HMCN2: variants seen among roughly 807,000 people sequenced by gnomAD.
HMCN2 encodes the protein hemicentin 2, also known as hemicentin-2.
HMCN2 carries 325 observed loss-of-function variants against 377.5 expected under a neutral mutation model. The ratio of observed to expected loss-of-function variants is 0.86; its 90% CI spans 0.79 to 0.94. HMCN2 has a LOEUF of 0.94. Ranked by LOEUF, HMCN2 falls within the 40% of genes least tolerant of loss-of-function variation. HMCN2 has a pLI of 0.00. For missense variants in HMCN2, 4,543 were observed against 4,725.3 expected (o/e 0.96, Z 1.13); for synonymous variants, 2,007 against 2,046.8 (o/e 0.98, Z 0.53).
At chr9:130,387,872 T>G (rs1242200268) in intron 61 of HMCN2, among the ~76,000 whole-genome samples, 1 of 151,756 alleles carries the variant, frequency 6.6e-6, no homozygotes, top group Admixed American at 6.6e-5. Flanking sequence ...AGCCCAGGAG[T>G]TTGAGATCAG....
chr9:130,309,239 C>T (rs771682008), intron 14 of HMCN2, among the ~76,000 whole-genome samples: 26 of 152,202 alleles, frequency 1.7e-4, no homozygotes, highest in South Asian at 2.1e-4. Context: ...GGGGGGCAGG[C>T]GTGGTGACTC....
chr9:130,400,924 G>A lies in HMCN2; in HGVS notation c.11747G>A (p.Ser3916Asn). ...GGCGCCCAGCTAGGAGCTCGGGGGA[G>A]TGGCTATCGTGTCTCACCATCGGGT... The part of the protein sequence containing the change: ...KAGAQLGARG[S>N]GYRVSPSGAL... Residue 3916 changes from serine (S) to asparagine (N), a missense_variant, in exon 77 of 98, where the codon AGT (serine) becomes AAT (asparagine). Ser to Asn is a conservative substitution (Grantham distance 46, BLOSUM62 1). Transcript: ENST00000683500. 1 of 1,288,724 alleles carries A rather than the reference G, an allele frequency of 7.8e-7. No individual in the cohort carries two copies. Among genetic ancestry groups the A allele is most frequent in the Non-Finnish European group, 1.0e-6 (1 of 988,384 alleles). 79.8% of individuals were successfully genotyped at this position (1,288,724 alleles called of 1,614,324 possible). A position where few individuals can be genotyped will look rare whatever the true frequency, so the allele number is the denominator to read the frequency against.
Position 130,360,404 on chromosome 9 carries a change from T to C in HMCN2, c.5774-24T>C. ...CCTTGCTTCTCTCTTCCTTTCCCCC[T>C]TGCATCTCTCTTCCTTTCCCCAGAT... On this transcript the variant is annotated intron_variant, in intron 37 of 97. Coordinates refer to ENST00000683500, the MANE Select transcript of HMCN2 (RefSeq NM_001291815.2). This position sits in a 1 kb window ranked among gnomAD's most constrained non-coding sequence, Gnocchi z 4.7. 5 of 1,257,758 alleles carry C rather than the reference T, an allele frequency of 4.0e-6. No individual in the cohort carries two copies. Among genetic ancestry groups the C allele is most frequent in the Non-Finnish European group, 5.2e-6 (5 of 962,044 alleles). 77.9% of individuals were successfully genotyped at this position (1,257,758 alleles called of 1,614,324 possible).
rs782163977 is a variant in HMCN2, at chr9:130,303,789, G to A, written c.1543+181G>A. Among the ~76,000 whole-genome samples, 10 of 152,200 alleles carry A rather than the reference G, an allele frequency of 6.6e-5. No individual in the cohort carries two copies. The highest frequency in any genetic ancestry group is 2.1e-4 in the South Asian group (1 of 4,826). ...ATGTGGGGCCGTCTCACCCAGGAAC[G>A]GCCTGTGGGTCTCCGCTGGAGGAAG... On this transcript the variant is annotated intron_variant, in intron 10 of 97. Transcript: ENST00000683500. The surrounding 1 kb of genome is among the most constrained non-coding windows in gnomAD (Gnocchi z 5.2).
intron 55 of HMCN2, 74 bp downstream of exon 55, chr9:130,382,371 A>C (rs1841775260): frequency 1.7e-6 from 1 of 597,116 alleles, no homozygotes; most frequent in African/African-American, 2.0e-5. Context: ...GAAGGGGCCG[A>C]GGCAAAGTGC....
chr9:130,296,239 C>G (rs555764919), intron 6 of HMCN2, among the ~76,000 whole-genome samples: 1 of 152,312 alleles, frequency 6.6e-6, no homozygotes, highest in South Asian at 2.1e-4. Context: ...GGGGCTCCTG[C>G]TGACCAGGCA....
chr9:130,379,282 G>C lies in HMCN2; in HGVS notation c.8246G>C (p.Ser2749Thr). 1.0e-6 allele frequency: 1 copy of C among 985,754 alleles called. No homozygotes were observed. The highest frequency in any genetic ancestry group is 1.2e-6 in the Non-Finnish European group (1 of 829,930). 61.1% of individuals were successfully genotyped at this position (985,754 alleles called of 1,614,324 possible). A position where few individuals can be genotyped will look rare whatever the true frequency, so the allele number is the denominator to read the frequency against. ...PPMFQKVGDFSAAFEILSREE... is the reference protein window; with the variant it reads ...PPMFQKVGDFTAAFEILSREE... ...ATGTTCCAGAAGGTGGGTGATTTCAGTGCAGCCTTCGAGATCCTGTCCCGG... is the reference window on the plus strand; with the variant it reads ...ATGTTCCAGAAGGTGGGTGATTTCACTGCAGCCTTCGAGATCCTGTCCCGG... The change falls in exon 54 of 98, where the codon AGT becomes ACT. Residue 2749 changes from serine (S) to threonine (T), a missense_variant. This residue lies in a region of HMCN2 where 736 missense variants were observed against 773.2 expected (regional missense o/e 0.95). Transcript: ENST00000683500.
chr9:130,310,584 A>G (rs28972384), intron 15 of HMCN2, among the ~76,000 whole-genome samples: 109 of 92,340 alleles, frequency 1.2e-3, no homozygotes, highest in East Asian at 4.1e-3. Flanking sequence ...TGTGTGTGGG[A>G]GGGGCTACCC....
chr9:130,387,341 G>A (rs1297416453), intron 61 of HMCN2, among the ~76,000 whole-genome samples: 1 of 151,442 alleles, frequency 6.6e-6, no homozygotes, highest in African/African-American at 2.4e-5. Flanking sequence ...GCCCAGAGGT[G>A]GGTGTCTAGG....
chr9:130,405,420 T>C (rs1843045852), intron 81 of HMCN2, among the ~76,000 whole-genome samples: 1 of 152,058 alleles, frequency 6.6e-6, no homozygotes, highest in Non-Finnish European at 1.5e-5. Context: ...GAGCCAGGGG[T>C]ATGGGTGGGA....
rs1836841318 is a variant in HMCN2, at chr9:130,306,111, C to A, written c.1817-18C>A. 1 of 470,890 alleles carries A rather than the reference C, an allele frequency of 2.1e-6. No homozygotes were observed. The highest frequency in any genetic ancestry group is 2.3e-5 in the Admixed American group (1 of 42,556). 29.2% of individuals were successfully genotyped at this position (470,890 alleles called of 1,614,324 possible). A position where few individuals can be genotyped will look rare whatever the true frequency, so the allele number is the denominator to read the frequency against. ...CTCTGATGGGCTCATCCTCGCCTAT[C>A]CACTTTTTGGGTCACAGAGGCCCCA... On this transcript the variant is annotated intron_variant, in intron 11 of 97. Coordinates refer to ENST00000683500, the MANE Select transcript of HMCN2 (RefSeq NM_001291815.2).
At chr9:130,339,097 A>G (rs1838914754) in intron 23 of HMCN2, among the ~76,000 whole-genome samples, 1 of 152,200 alleles carries the variant, frequency 6.6e-6, no homozygotes, top group African/African-American at 2.4e-5. Context: ...CTGAGGTGGG[A>G]AGATAGCTTG....
intron 74 of HMCN2, among the ~76,000 whole-genome samples, chr9:130,398,027 C>T (rs73551760): frequency 0.015 from 2,346 of 151,484 alleles, 68 homozygotes; most frequent in African/African-American, 0.053. Flanking sequence ...GTGGCACGTG[C>T]CTGTAGTCCC....
chr9:130,368,516 A>C, intron 44 of HMCN2, 79 bp downstream of exon 44: 2 of 820,366 alleles, frequency 2.4e-6, no homozygotes, highest in Non-Finnish European at 2.9e-6. Flanking sequence ...ATTGGAGCAA[A>C]TACGGGGAAG....
chr9:130,377,351 G>C, intron 52 of HMCN2, among the ~76,000 whole-genome samples: 1 of 151,676 alleles, frequency 6.6e-6, no homozygotes, highest in East Asian at 1.9e-4. Flanking sequence ...CTGACCTTGT[G>C]ATCCACCAAC....
Position 130,408,778 on chromosome 9 carries a change from C to T in HMCN2, c.12724C>T (p.Leu4242=). 4 of 1,289,458 alleles carry T rather than the reference C, an allele frequency of 3.1e-6. No individual in the cohort carries two copies. Among genetic ancestry groups the T allele is most frequent in the African/African-American group, 1.5e-5 (1 of 65,984 alleles). 79.9% of individuals were successfully genotyped at this position (1,289,458 alleles called of 1,614,324 possible). A position where few individuals can be genotyped will look rare whatever the true frequency, so the allele number is the denominator to read the frequency against. ...CCTACAAGGGGAGGCTTTCTCCTACCTGGTGGAACCTGTAGGAGGCAGCAT... is the reference window on the plus strand; with the variant it reads ...CCTACAAGGGGAGGCTTTCTCCTACTTGGTGGAACCTGTAGGAGGCAGCAT... The part of the protein sequence containing the change: ...PVLQGEAFSY[L]VEPVGGSIQL... Residue 4242 remains leucine (L), a synonymous_variant, in exon 84 of 98, where the codon CTG becomes TTG. Coordinates refer to ENST00000683500, the MANE Select transcript of HMCN2 (RefSeq NM_001291815.2).
rs1160004271 is a variant in HMCN2, at chr9:130,414,338, CCTGTTCCGGG to C, written c.12961+3690_12961+3699del. Among the ~76,000 whole-genome samples the C allele has an allele frequency of 6.6e-6, 1 of 152,248 alleles. No individual in the cohort carries two copies. The highest frequency in any genetic ancestry group is 1.5e-5 in the Non-Finnish European group (1 of 68,052). On this transcript the variant is annotated intron_variant, in intron 85 of 97. Transcript: ENST00000683500. This position sits in a 1 kb window ranked among gnomAD's most constrained non-coding sequence, Gnocchi z 4.4. ...GCTCAGCAGTAATGAGGCACCCCTC[CCTGTTCCGGG>C]CTGACCATGGAAGCCTCATAGGGAA... is the stretch of plus-strand genomic sequence containing the variant.
In HMCN2 at chr9:130,431,715, C is replaced by G. The variant is rs10125942; in HGVS notation, c.14767+229C>G. Among the ~76,000 whole-genome samples, 1,523 of 152,340 alleles carry G rather than the reference C, an allele frequency of 1.0e-2. 26 individuals are homozygous for G. The highest frequency in any genetic ancestry group is 0.034 in the African/African-American group (1,425 of 41,576). ...AGCTCTGAGATCACGCGGGCAGGCT[C>G]TGAAAGCAGCCCTGCAAGGCCAATC... On this transcript the variant is annotated intron_variant, in intron 96 of 97. Transcript: ENST00000683500.
chr9:130,400,701 G>A (rs1338151897), intron 76 of HMCN2, 82 bp from the exon 77 acceptor site: 3 of 1,064,130 alleles, frequency 2.8e-6, no homozygotes, highest in African/African-American at 1.7e-5. Flanking sequence ...GTCACCTTGT[G>A]TACTAGCTTT....
Sources: allele counts gnomAD v4.1 joint callset (sites outside exome capture counted in the v4.1 genomes callset), GRCh38; gene constraint gnomAD v4.1.1; regional missense constraint gnomAD v4.1.1; non-coding constraint Gnocchi (gnomAD v3.1); transcripts MANE v1.5; gene names NCBI Gene and HGNC (gene_info 2026-07-23, HGNC 2026-07-21).